Variants in DPP10 observed in about 807,000 individuals in gnomAD.
DPP10 encodes inactive dipeptidyl peptidase 10.
In DPP10, 33 loss-of-function variants were observed where a neutral mutation model predicts 120.9. That is an observed-to-expected ratio of 0.27 (90% CI 0.21 to 0.37). The LOEUF is 0.37. Among genes scored for constraint, DPP10 ranks in the 10% least tolerant of loss-of-function variants. The pLI, the probability that DPP10 is intolerant of heterozygous loss-of-function variation, is 1.00. For synonymous variants in DPP10, 337 were observed against 326.1 expected (o/e 1.03, Z -0.36); for missense variants, 816 against 942.8 (o/e 0.87, Z 1.76).
At chr2:115,757,659 A>G (rs1266249584) in intron 11 of DPP10, among the ~76,000 whole-genome samples, 1 of 152,094 alleles carries the variant, frequency 6.6e-6, no homozygotes, top group Non-Finnish European at 1.5e-5. Context: ...CAAATATGAG[A>G]AAGTCCTTAA....
At chr2:114,502,203 T>A (rs977068301) in intron 1 of DPP10, among the ~76,000 whole-genome samples, 2 of 152,172 alleles carry the variant, frequency 1.3e-5, no homozygotes, top group African/African-American at 4.8e-5. Context: ...TCTGCCTGCC[T>A]TGGCCTCCCA....
chr2:115,526,938 TGTC>T (rs1308114658), intron 5 of DPP10, among the ~76,000 whole-genome samples: 2 of 152,162 alleles, frequency 1.3e-5, no homozygotes, highest in African/African-American at 4.8e-5. Context: ...GTTGGCCTGT[TGTC>T]TTATCTTTTG....
At chr2:115,530,270 T>G in intron 5 of DPP10, among the ~76,000 whole-genome samples, 1 of 152,108 alleles carries the variant, frequency 6.6e-6, no homozygotes. Context: ...ATAAATTGAA[T>G]TACCTCCTTC....
intron 1 of DPP10, among the ~76,000 whole-genome samples, chr2:114,970,529 T>A (rs1480444218): frequency 6.9e-6 from 1 of 144,396 alleles, no homozygotes; most frequent in Non-Finnish European, 1.6e-5. Flanking sequence ...GGCCAGATAG[T>A]GGCTAATCTC....
intron 1 of DPP10, among the ~76,000 whole-genome samples, chr2:114,892,858 C>T (rs1692655625): frequency 6.6e-6 from 1 of 152,074 alleles, no homozygotes. Flanking sequence ...TCCTGGACCC[C>T]CCAAAAAATG....
At chr2:114,893,213 C>T (rs1426734033) in intron 1 of DPP10, among the ~76,000 whole-genome samples, 1 of 152,148 alleles carries the variant, frequency 6.6e-6, no homozygotes, top group Non-Finnish European at 1.5e-5. Context: ...TTACAGTACA[C>T]TAATGTTCCA....
chr2:114,549,291 C>T (rs563115260), intron 1 of DPP10, among the ~76,000 whole-genome samples: 5 of 152,046 alleles, frequency 3.3e-5, no homozygotes, highest in East Asian at 3.9e-4. Flanking sequence ...CTCTCAACCC[C>T]GTCTCCAGGT....
chr2:115,822,539 G>A (rs1310748936), intron 21 of DPP10, among the ~76,000 whole-genome samples: 5 of 151,782 alleles, frequency 3.3e-5, no homozygotes, highest in Non-Finnish European at 7.4e-5. Flanking sequence ...AAATCACCTG[G>A]CAAAGAAATA....
intron 1 of DPP10, among the ~76,000 whole-genome samples, chr2:114,492,225 A>G (rs888181397): frequency 6.6e-6 from 1 of 152,284 alleles, no homozygotes; most frequent in African/African-American, 2.4e-5. Flanking sequence ...AGTAGAAGCT[A>G]TCACATCAGA....
chr2:114,859,511 A>G (rs1184237339), intron 1 of DPP10, among the ~76,000 whole-genome samples: 1 of 152,206 alleles, frequency 6.6e-6, no homozygotes, highest in Non-Finnish European at 1.5e-5. Context: ...ATTCTGACAA[A>G]CCAATTTGAT....
chr2:115,162,262 G>T lies in DPP10; in HGVS notation c.61-146977G>T, dbSNP rs768494232. On this transcript the variant is annotated intron_variant, in intron 1 of 25. Transcript: ENST00000410059. The stretch of plus-strand genomic sequence containing the variant: ...CGCAAGGTGGAGAGCCGCGGGGAAG[G>T]GGGCAGAGAGGTAAAGGCTGAAGGT... 1.9e-6 allele frequency: 3 copies of T among 1,557,780 alleles called. No homozygotes were observed. The Admixed American group carries it at 5.9e-5, about 30-fold the overall frequency.
chr2:115,791,406 T>C, intron 19 of DPP10, 50 bp downstream of exon 19: 1 of 1,493,464 alleles, frequency 6.7e-7, no homozygotes, highest in Non-Finnish European at 9.1e-7. Context: ...GATTTTATAT[T>C]TTTGTGTCTC....
At chr2:115,035,029 C>T (rs530321450) in intron 1 of DPP10, among the ~76,000 whole-genome samples, 3 of 152,350 alleles carry the variant, frequency 2.0e-5, no homozygotes, top group Non-Finnish European at 2.9e-5. Context: ...ACACAAGCTA[C>T]CCTGCCAGTC....
At chr2:115,076,572 G>A (rs757742635) in intron 1 of DPP10, among the ~76,000 whole-genome samples, 10 of 152,158 alleles carry the variant, frequency 6.6e-5, no homozygotes, top group South Asian at 4.2e-4. Flanking sequence ...ATGTGTTAAC[G>A]TTTATCGAAA....
chr2:114,532,885 AG>A (rs1686154740), intron 1 of DPP10, among the ~76,000 whole-genome samples: 1 of 152,168 alleles, frequency 6.6e-6, no homozygotes, highest in African/African-American at 2.4e-5. Context: ...GATATCCAGC[AG>A]GGATATGATC....
chr2:114,702,774 T>C (rs1311098424), intron 1 of DPP10, among the ~76,000 whole-genome samples: 2 of 152,108 alleles, frequency 1.3e-5, no homozygotes, highest in Non-Finnish European at 2.9e-5. Flanking sequence ...TCTGCCTCTT[T>C]CCTAAGAACA....
intron 1 of DPP10, among the ~76,000 whole-genome samples, chr2:114,514,001 G>C (rs925290176): frequency 6.6e-6 from 1 of 152,148 alleles, no homozygotes; most frequent in Admixed American, 6.5e-5. Context: ...GGTTTGAATC[G>C]AAAGCAGGGT....
At chr2:114,921,624 C>G (rs570793947) in intron 1 of DPP10, among the ~76,000 whole-genome samples, 2 of 152,248 alleles carry the variant, frequency 1.3e-5, no homozygotes, top group Non-Finnish European at 2.9e-5. Context: ...TCAAAATTCT[C>G]TTAAGGGTTG....
intron 1 of DPP10, among the ~76,000 whole-genome samples, chr2:115,269,611 C>T (rs1574238088): frequency 6.6e-6 from 1 of 152,262 alleles, no homozygotes; most frequent in East Asian, 1.9e-4. Context: ...CAGGTGGCCT[C>T]ATGGGACTTT....
Sources: allele counts gnomAD v4.1 joint callset (sites outside exome capture counted in the v4.1 genomes callset), GRCh38; gene constraint gnomAD v4.1.1; transcripts MANE v1.5; gene names NCBI Gene and HGNC (gene_info 2026-07-23, HGNC 2026-07-21).